The following SPTAN1 variants were observed in gnomAD, a reference collection of about 807,000 sequenced individuals.
The protein encoded by SPTAN1 is spectrin alpha chain, non-erythrocytic 1.
Under a neutral mutation model 331.3 loss-of-function variants are expected in SPTAN1, and 61 were observed. The ratio of observed to expected loss-of-function variants is 0.18; its 90% CI spans 0.15 to 0.23. SPTAN1 has a LOEUF of 0.23. Among genes scored for constraint, SPTAN1 ranks in the 10% least tolerant of loss-of-function variants. SPTAN1 has a pLI of 1.00. For missense variants in SPTAN1, 2,043 were observed against 3,147.9 expected (o/e 0.65, Z 8.40); for synonymous variants, 1,153 against 1,173.9 (o/e 0.98, Z 0.36).
intron 2 of SPTAN1, 134 bp downstream of exon 2, chr9:128,567,111 C>T: frequency 7.7e-7 from 1 of 1,302,650 alleles, no homozygotes; most frequent in Non-Finnish European, 1.1e-6. Context: ...GAAGGACAAA[C>T]TCATTGTTTT....
chr9:128,589,572 G>T (rs954678484), intron 21 of SPTAN1, among the ~76,000 whole-genome samples: 2 of 88,208 alleles, frequency 2.3e-5, no homozygotes, highest in African/African-American at 8.6e-5. Flanking sequence ...CGCCGTGCCC[G>T]GCCTTTTTTT....
intron 43 of SPTAN1, among the ~76,000 whole-genome samples, chr9:128,618,373 CA>C (rs926974158): frequency 6.6e-6 from 1 of 152,088 alleles, no homozygotes; most frequent in Non-Finnish European, 1.5e-5. Context: ...ACACATGAAT[CA>C]CACATGATTC....
Position 128,632,934 on chromosome 9 carries a change from G to A in SPTAN1, c.7287G>A (p.Val2429=). The A allele has an allele frequency of 6.2e-7, 1 of 1,612,952 alleles. No individual in the cohort carries two copies. ...TCAGCTCAGAGGGAAAGCCTTACGT[G>A]ACCAAGGAGGAGCTCTACCAGGTAT... The part of the protein sequence containing the change: ...RALSSEGKPY[V]TKEELYQNLT... Residue 2429 remains valine, a synonymous_variant, in exon 56 of 57, where the codon GTG becomes GTA. Coordinates refer to ENST00000372739, the MANE Select transcript of SPTAN1 (RefSeq NM_001130438.3).
Position 128,626,662 on chromosome 9 carries a change from G to T in SPTAN1, c.6551G>T (p.Trp2184Leu). ...WFTMEALEET[W>L]RNLQKIIKER... ...ACCATGGAGGCCCTGGAGGAGACCT[G>T]GAGGAACCTACAGAAAATCATCAAG... Residue 2184 changes from tryptophan (W) to leucine (L), a missense_variant, in exon 49 of 57, where the codon TGG (tryptophan) becomes TTG (leucine). This residue lies in a region of SPTAN1 where 256 missense variants were observed against 376.4 expected (regional missense o/e 0.68). Transcript: ENST00000372739. The T allele has an allele frequency of 6.2e-7, 1 of 1,612,420 alleles. No individual in the cohort carries two copies. Among genetic ancestry groups the T allele is most frequent in the Non-Finnish European group, 8.5e-7 (1 of 1,179,468 alleles).
At chr9:128,623,454 C>G (rs1858214609) in intron 45 of SPTAN1, among the ~76,000 whole-genome samples, 1 of 150,290 alleles carries the variant, frequency 6.7e-6, no homozygotes, top group Non-Finnish European at 1.5e-5. Flanking sequence ...CAAATTTCAG[C>G]CCATTCGTTT....
At chr9:128,566,610 G>A in intron 1 of SPTAN1, 128 bp from the exon 2 acceptor site, 2 of 1,379,302 alleles carry the variant, frequency 1.5e-6, no homozygotes, top group East Asian at 2.3e-5. Flanking sequence ...CTAAGAAGGG[G>A]CTGTCTTCTC....
chr9:128,605,632 T>A lies in SPTAN1; in HGVS notation c.4046+155T>A, dbSNP rs111846527. ...GCCAAGGCAAGCGAATTGCTTGAAC[T>A]CAGGAGCCGGAGACCAGCCTGGGCT... On this transcript the variant is annotated intron_variant, in intron 31 of 56. Transcript: ENST00000372739. Among the ~76,000 whole-genome samples, 931 of 152,286 alleles carry A rather than the reference T, an allele frequency of 6.1e-3. 8 individuals are homozygous for A. Among genetic ancestry groups the A allele is most frequent in the African/African-American group, 0.021 (864 of 41,564 alleles).
chr9:128,631,948 T>TA (rs1291638742), intron 52 of SPTAN1, 179 bp from the exon 53 acceptor site: 2 of 648,088 alleles, frequency 3.1e-6, no homozygotes, highest in Non-Finnish European at 5.3e-6. Flanking sequence ...CTCCCTCTAT[T>TA]GAGGTGGTTG....
chr9:128,555,243 G>A lies in SPTAN1; in HGVS notation c.-4+2547G>A. The A allele has an allele frequency of 3.9e-6, 3 of 779,132 alleles. No homozygotes were observed. In the South Asian group the frequency reaches 4.9e-5, roughly 13 times the overall value. The allele number at this position is 779,132 out of a possible 1,614,324, so 48.3% of individuals were successfully genotyped here. ...GACACTGAAAAAATATCTGAAATTG[G>A]ATTTTTAATCTGTATTCATATTTTT... On this transcript the variant is annotated intron_variant, in intron 1 of 56. Transcript: ENST00000372739.
chr9:128,621,239 C>G lies in SPTAN1; in HGVS notation c.5815C>G (p.Gln1939Glu), dbSNP rs925093622. 6.2e-7 allele frequency: 1 copy of G among 1,613,520 alleles called. No homozygotes were observed. Among genetic ancestry groups the G allele is most frequent in the African/African-American group, 1.3e-5 (1 of 74,914 alleles). ...DRVNDVCTNG[Q>E]DLIKKNNHHE... Reference sequence around the variant, plus strand: ...CGTGAATGATGTCTGCACCAATGGACAAGACCTCATTAAGAAGGTGAGTCC... The same window carrying G: ...CGTGAATGATGTCTGCACCAATGGAGAAGACCTCATTAAGAAGGTGAGTCC... The change falls in exon 45 of 57, where the codon CAA becomes GAA. Residue 1939 changes from glutamine to glutamate, a missense_variant. By Grantham distance (29) the Gln-to-Glu change is conservative. Coordinates refer to ENST00000372739, the MANE Select transcript of SPTAN1 (RefSeq NM_001130438.3).
rs1858616130 is a variant in SPTAN1, at chr9:128,625,602, T to G, written c.6070-167T>G. Reference sequence around the variant, plus strand: ...AGGAGGCTGCCGCAGTGATCTGCGGTCTGAAGGAGAGCAGGAAAGGGGGCA... The same window carrying G: ...AGGAGGCTGCCGCAGTGATCTGCGGGCTGAAGGAGAGCAGGAAAGGGGGCA... On this transcript the variant is annotated intron_variant, in intron 47 of 56. Transcript: ENST00000372739. This position sits in a 1 kb window ranked among gnomAD's most constrained non-coding sequence, Gnocchi z 4.1. Among the ~76,000 whole-genome samples, 1 of 151,918 alleles carries G rather than the reference T, an allele frequency of 6.6e-6. No homozygotes were observed. Among genetic ancestry groups the G allele is most frequent in the Non-Finnish European group, 1.5e-5 (1 of 67,974 alleles).
Position 128,608,981 on chromosome 9 carries a change from G to A in SPTAN1, c.4595+4G>A. ...GGCGCAATGAGGTCTTGGACAGGTG[G>A]GTGTCCTGTGGCACTGACATAGTCA... On this transcript the variant is annotated splice_donor_region_variant and intron_variant, in intron 35 of 56. Transcript: ENST00000372739. 1 of 1,614,084 alleles carries A rather than the reference G, an allele frequency of 6.2e-7. No individual in the cohort carries two copies. Among genetic ancestry groups the A allele is most frequent in the Non-Finnish European group, 8.5e-7 (1 of 1,179,942 alleles).
chr9:128,583,893 A>G lies in SPTAN1; in HGVS notation c.2117A>G (p.Tyr706Cys), dbSNP rs1473149290. The G allele has an allele frequency of 5.0e-5, 81 of 1,614,126 alleles. No individual in the cohort carries two copies. The highest frequency in any genetic ancestry group is 5.8e-5 in the Non-Finnish European group (69 of 1,180,048). Residue 706 changes from tyrosine (Y) to cysteine (C), a missense_variant, in exon 16 of 57, where the codon TAC becomes TGC. Physicochemically the swap from Tyr to Cys is radical, Grantham distance 194. This residue lies in a region of SPTAN1 where 1,038 missense variants were observed against 1,531.5 expected (regional missense o/e 0.68). Transcript: ENST00000372739. Reference sequence around the variant, plus strand: ...GAAGGTCACTTGGCTTCGGATGATTACGGCAAAGATCTTACCAATGTGCAG... The same window carrying G: ...GAAGGTCACTTGGCTTCGGATGATTGCGGCAAAGATCTTACCAATGTGCAG... ...EVEGHLASDD[Y>C]GKDLTNVQNL...
intron 1 of SPTAN1, chr9:128,555,230 A>G (rs1564173094): frequency 7.4e-6 from 5 of 677,816 alleles, no homozygotes; most frequent in Non-Finnish European, 1.1e-5. Flanking sequence ...CACTGAAAAA[A>G]TATCTGAAAT....
In SPTAN1 at chr9:128,556,289, G is replaced by A. The variant is rs533556414; in HGVS notation, c.-4+3593G>A. On this transcript the variant is annotated intron_variant, in intron 1 of 56. Transcript: ENST00000372739. Reference sequence around the variant, plus strand: ...GTGTACAGTCTTTGTTTTCTAAGTCGGACCTTTTTCACAAAAAAAAAATTT... The same window carrying A: ...GTGTACAGTCTTTGTTTTCTAAGTCAGACCTTTTTCACAAAAAAAAAATTT... Among the ~76,000 whole-genome samples, 6 of 151,190 alleles carry A rather than the reference G, an allele frequency of 4.0e-5. No individual in the cohort carries two copies. The South Asian group carries it at 6.3e-4, about 16-fold the overall frequency.
At chr9:128,561,033 A>AAAAG (rs1564183858) in intron 1 of SPTAN1, among the ~76,000 whole-genome samples, 3 of 148,520 alleles carry the variant, frequency 2.0e-5, no homozygotes, top group African/African-American at 7.6e-5. Context: ...AAAAAAAAAA[A>AAAAG]AAGAAGTGAA....
rs1299717242 is a variant in SPTAN1 at position 128,577,085 on chromosome 9, G to A, written c.786-44G>A. On this transcript the variant is annotated intron_variant, in intron 6 of 56. Coordinates refer to ENST00000372739, the MANE Select transcript of SPTAN1 (RefSeq NM_001130438.3). This position sits in a 1 kb window ranked among gnomAD's most constrained non-coding sequence, Gnocchi z 4.2. ...TCCCATGGGGTGTTCCTAGTTCTAGGGAGTCATCATTGCTGTGGATTAACT... is the reference window on the plus strand; with the variant it reads ...TCCCATGGGGTGTTCCTAGTTCTAGAGAGTCATCATTGCTGTGGATTAACT... The A allele has an allele frequency of 3.1e-6, 5 of 1,614,070 alleles. No homozygotes were observed. The highest frequency in any genetic ancestry group is 2.2e-5 in the East Asian group (1 of 44,894).
intron 52 of SPTAN1, among the ~76,000 whole-genome samples, chr9:128,631,249 G>C (rs1260435600): frequency 6.7e-6 from 1 of 149,098 alleles, no homozygotes; most frequent in East Asian, 2.1e-4. Flanking sequence ...CTTGAAGTCA[G>C]GAGTTCGAGA....
rs894539870 is a variant in SPTAN1 at position 128,599,025 on chromosome 9, A to G, written c.3543+39A>G. The stretch of plus-strand genomic sequence containing the variant: ...GCTGTGTGTGGATCTTGAACATGAG[A>G]AGGACTTAAATCTTGGGAAGAATAT... On this transcript the variant is annotated intron_variant, in intron 26 of 56. Coordinates refer to ENST00000372739, the MANE Select transcript of SPTAN1 (RefSeq NM_001130438.3). The G allele has an allele frequency of 3.7e-6, 6 of 1,603,654 alleles. No homozygotes were observed. In the South Asian group the frequency reaches 6.6e-5, roughly 18 times the overall value.
Sources: gnomAD v4.1 joint callset for allele counts (sites outside exome capture counted in the v4.1 genomes callset) on GRCh38, gnomAD v4.1.1 for gene constraint, gnomAD v4.1.1 regional missense constraint, Gnocchi (gnomAD v3.1) non-coding constraint, MANE v1.5 for transcripts, NCBI Gene and HGNC (gene_info 2026-07-23, HGNC 2026-07-21) for gene names.